RBFOX1: variants seen among roughly 807,000 people sequenced by gnomAD.
RBFOX1 encodes the protein RNA binding fox-1 homolog 1.
RBFOX1 carries 8 observed loss-of-function variants against 57.7 expected under a neutral mutation model. The observed-to-expected ratio is 0.14, with a 90% CI of 0.08 to 0.25. The LOEUF (loss-of-function observed/expected upper bound fraction) is 0.25. Ranked by LOEUF, RBFOX1 falls within the 10% of genes least tolerant of loss-of-function variation. The pLI is 1.00. For synonymous variants in RBFOX1, 326 were observed against 222.4 expected (o/e 1.47, Z -4.15); for missense variants, 611 against 548.5 (o/e 1.11, Z -1.14).
In RBFOX1 at chr16:6,054,062, A is replaced by G. The variant is rs550393794; in HGVS notation, c.-127+34070A>G. Among the ~76,000 whole-genome samples, 8 of 152,312 alleles carry G rather than the reference A, an allele frequency of 5.3e-5. No individual in the cohort carries two copies. The East Asian group carries it at 1.5e-3, about 29-fold the overall frequency. Reference sequence around the variant, plus strand: ...AGACCCTGTTTCAAAAAAGAAAAAAAGAAATTAAATTTAAAGAAAGAAATA... The same window carrying G: ...AGACCCTGTTTCAAAAAAGAAAAAAGGAAATTAAATTTAAAGAAAGAAATA... On this transcript the variant is annotated intron_variant, in intron 1 of 15. Coordinates refer to ENST00000550418, the MANE Select transcript of RBFOX1 (RefSeq NM_018723.4).
intron 3 of RBFOX1, among the ~76,000 whole-genome samples, chr16:6,820,357 G>T (rs1251418038): frequency 6.6e-6 from 1 of 152,110 alleles, no homozygotes; most frequent in African/African-American, 2.4e-5. Flanking sequence ...GGATAGATAG[G>T]ATTGTTCAGG....
chr16:7,391,265 G>T, intron 4 of RBFOX1, among the ~76,000 whole-genome samples: 1 of 152,170 alleles, frequency 6.6e-6, no homozygotes, highest in East Asian at 1.9e-4. Context: ...AATAGCATTT[G>T]CTGATGTCCC....
intron 3 of RBFOX1, among the ~76,000 whole-genome samples, chr16:5,643,380 T>A (rs2048944026): frequency 6.6e-6 from 1 of 152,144 alleles, no homozygotes; most frequent in South Asian, 2.1e-4. Context: ...GCATTATCAT[T>A]TCCTTCTTGA....
At chr16:7,011,924 C>A (rs970748930) in intron 3 of RBFOX1, among the ~76,000 whole-genome samples, 1 of 152,212 alleles carries the variant, frequency 6.6e-6, no homozygotes, top group African/African-American at 2.4e-5. Flanking sequence ...CCATCTTCTG[C>A]ACATTTCTCT....
Position 5,946,849 on chromosome 16 carries a change from G to C in RBFOX1, c.351+79514G>C, listed in dbSNP as rs1320271086. On this transcript the variant is annotated intron_variant, in intron 4 of 19. Coordinates refer to the RBFOX1 transcript ENST00000641259. This position sits in a 1 kb window ranked among gnomAD's most constrained non-coding sequence, Gnocchi z 4.6. ...ATGGCAGAGATTTGGAGCATTGCTT[G>C]GTGTGAAATAAAACCCAACACATAT... is the stretch of plus-strand genomic sequence containing the variant. Among the ~76,000 whole-genome samples, 2 of 152,120 alleles carry C rather than the reference G, an allele frequency of 1.3e-5. No homozygotes were observed. Among genetic ancestry groups the C allele is most frequent in the African/African-American group, 2.4e-5 (1 of 41,418 alleles).
chr16:5,512,869 T>C (rs749900129), intron 2 of RBFOX1, among the ~76,000 whole-genome samples: 4 of 152,298 alleles, frequency 2.6e-5, no homozygotes, highest in African/African-American at 4.8e-5. Context: ...CAACATTACA[T>C]TGAGTTGACA....
At chr16:6,950,534 A>G (rs555920062) in intron 3 of RBFOX1, among the ~76,000 whole-genome samples, 10 of 152,306 alleles carry the variant, frequency 6.6e-5, no homozygotes, top group East Asian at 5.8e-4. Context: ...GCATTTGGCC[A>G]TTATTTCCAG....
chr16:7,594,077 C>G (rs1431560289), intron 7 of RBFOX1, among the ~76,000 whole-genome samples: 1 of 152,088 alleles, frequency 6.6e-6, no homozygotes, highest in Admixed American at 6.6e-5. Context: ...CTGCACCCAT[C>G]AACTAGTCAT....
At chr16:5,297,015 T>TC (rs981070879) in intron 1 of RBFOX1, among the ~76,000 whole-genome samples, 4 of 152,164 alleles carry the variant, frequency 2.6e-5, no homozygotes, top group Non-Finnish European at 4.4e-5. Flanking sequence ...ATCTTGTGGT[T>TC]ATTTGTCTTT....
intron 2 of RBFOX1, among the ~76,000 whole-genome samples, chr16:6,481,804 C>T (rs2095374997): frequency 2.0e-5 from 3 of 152,152 alleles, no homozygotes; most frequent in Middle Eastern, 3.4e-3. Context: ...CGTTAAATGC[C>T]ACTGACCCTG....
rs1458390285 is a variant in RBFOX1, at chr16:5,502,402, A to C, written c.258+35148A>C. Reference sequence around the variant, plus strand: ...TGGGATGTGGAGAAGGCTCCTGATCATTCTTCCTCGGCTTGCCTGAGGGTC... The same window carrying C: ...TGGGATGTGGAGAAGGCTCCTGATCCTTCTTCCTCGGCTTGCCTGAGGGTC... On this transcript the variant is annotated intron_variant, in intron 2 of 2. Transcript: ENST00000585867. 2.0e-5 allele frequency among the ~76,000 whole-genome samples: 3 copies of C among 152,110 alleles called. No individual in the cohort carries two copies. In the South Asian group the frequency reaches 6.2e-4, roughly 32 times the overall value.
At chr16:7,235,654 C>T (rs534670047) in intron 4 of RBFOX1, among the ~76,000 whole-genome samples, 5 of 152,292 alleles carry the variant, frequency 3.3e-5, no homozygotes, top group South Asian at 2.1e-4. Flanking sequence ...GAATATGATG[C>T]CTCCCTCTGC....
At chr16:7,301,320 A>G in intron 4 of RBFOX1, among the ~76,000 whole-genome samples, 1 of 152,184 alleles carries the variant, frequency 6.6e-6, no homozygotes, top group East Asian at 1.9e-4. Flanking sequence ...GTTTGCATGC[A>G]CTGGTGGAGA....
At chr16:5,331,948 G>C (rs1341200061) in intron 1 of RBFOX1, among the ~76,000 whole-genome samples, 2 of 152,214 alleles carry the variant, frequency 1.3e-5, no homozygotes, top group African/African-American at 4.8e-5. Context: ...TTATCCCATA[G>C]TGTCAAGTCC....
intron 3 of RBFOX1, among the ~76,000 whole-genome samples, chr16:5,808,072 C>G (rs2055291503): frequency 6.6e-6 from 1 of 152,186 alleles, no homozygotes; most frequent in South Asian, 2.1e-4. Context: ...TGTCCCCAGT[C>G]CCATTTCAAA....
intron 3 of RBFOX1, among the ~76,000 whole-genome samples, chr16:6,759,332 G>C (rs1239508310): frequency 6.6e-6 from 1 of 152,040 alleles, no homozygotes; most frequent in African/African-American, 2.4e-5. Flanking sequence ...TGTATTTTTA[G>C]TAGAGACAGT....
chr16:5,555,394 G>C (rs1466614911), intron 2 of RBFOX1, among the ~76,000 whole-genome samples: 2 of 152,002 alleles, frequency 1.3e-5, no homozygotes, highest in East Asian at 3.9e-4. Context: ...GGGACTACAG[G>C]CATGAGCCAC....
chr16:7,622,865 C>A lies in RBFOX1; in HGVS notation c.677-7738C>A, dbSNP rs147282190. 1.2e-3 allele frequency among the ~76,000 whole-genome samples: 189 copies of A among 152,318 alleles called. 1 individual carries two copies. Among genetic ancestry groups the A allele is most frequent in the African/African-American group, 4.2e-3 (176 of 41,566 alleles). On this transcript the variant is annotated intron_variant, in intron 10 of 15. Transcript: ENST00000550418. ...ACCATAACCCTTCAGAGAAGCTCAT[C>A]TTTCAGGCTGGTGTAAAAGCATTAG...
At chr16:7,244,621 G>T (rs1255132615) in intron 4 of RBFOX1, among the ~76,000 whole-genome samples, 1 of 152,202 alleles carries the variant, frequency 6.6e-6, no homozygotes, top group Non-Finnish European at 1.5e-5. Context: ...GCTCGAGTTA[G>T]ATTCAGTATT....
Sources: allele counts gnomAD v4.1 joint callset (sites outside exome capture counted in the v4.1 genomes callset), GRCh38; gene constraint gnomAD v4.1.1; non-coding constraint Gnocchi (gnomAD v3.1); transcripts MANE v1.5; gene names NCBI Gene and HGNC (gene_info 2026-07-23, HGNC 2026-07-21).